The following DNAH6 variants were observed in gnomAD, a reference collection of about 807,000 sequenced individuals.
DNAH6 encodes dynein axonemal heavy chain 6, also known as axonemal beta dynein heavy chain 6.
A neutral mutation model predicts 491.4 loss-of-function variants in DNAH6; 340 were observed. The ratio of observed to expected loss-of-function variants is 0.69; its 90% confidence interval spans 0.63 to 0.76. The LOEUF (loss-of-function observed/expected upper bound fraction) is 0.76, where lower values mean the gene tolerates loss of function less well. Among genes scored for constraint, DNAH6 ranks in the 30% least tolerant of loss-of-function variants. The probability of loss-of-function intolerance (pLI) is 0.00; values close to 1 mark genes in which losing one functional copy is unlikely to be tolerated. For synonymous variants in DNAH6, 1,603 were observed against 1,686.1 expected, an observed-to-expected ratio of 0.95 and a Z score of 1.21; for missense variants, 4,443 against 4,972.2, an observed-to-expected ratio of 0.89 and a Z score of 3.20.
At chr2:84,808,610 A>G (rs1395373474) in intron 72 of DNAH6, 68 bp downstream of exon 72, 2 of 1,471,924 alleles carry the variant, frequency 1.4e-6, no homozygotes, top group Admixed American at 4.0e-5. Context: ...ATAATATGAA[A>G]TTCTTCCATT....
Position 84,701,305 on chromosome 2 carries a change from C to A in DNAH6, c.8027C>A (p.Ser2676Tyr), listed in dbSNP as rs780857456. 2 of 1,550,868 alleles carry A rather than the reference C, an allele frequency of 1.3e-6. No homozygotes were observed. The highest frequency in any genetic ancestry group is 1.2e-5 in the South Asian group (1 of 83,934). ...CTGGAGCTTATCAATCTTTACCTGTCTATGCTGTCTGAAAAAAGGAAGCAG... is the reference window on the plus strand; with the variant it reads ...CTGGAGCTTATCAATCTTTACCTGTATATGCTGTCTGAAAAAAGGAAGCAG... ...SYLELINLYLSMLSEKRKQII... is the reference protein window; with the variant it reads ...SYLELINLYLYMLSEKRKQII... Residue 2676 changes from serine to tyrosine, a missense_variant, in exon 49 of 77, where the codon TCT (serine) becomes TAT (tyrosine). Ser to Tyr is a moderately radical substitution (Grantham distance 144). This residue lies in a region of DNAH6 where 2,977 missense variants were observed against 3,296.6 expected (regional missense o/e 0.90). Transcript: ENST00000389394.
chr2:84,548,085 A>G (rs938505000), intron 7 of DNAH6, among the ~76,000 whole-genome samples: 1 of 152,234 alleles, frequency 6.6e-6, no homozygotes, highest in African/African-American at 2.4e-5. Context: ...GAATGTCAGT[A>G]AACTATCTAT....
chr2:84,768,175 T>C (rs994228973), intron 64 of DNAH6, among the ~76,000 whole-genome samples: 13 of 152,036 alleles, frequency 8.6e-5, no homozygotes, highest in African/African-American at 3.1e-4. Flanking sequence ...CTTAAATATA[T>C]ATGTTATATA....
At chr2:84,542,896 C>T (rs983520774) in intron 4 of DNAH6, among the ~76,000 whole-genome samples, 10 of 152,158 alleles carry the variant, frequency 6.6e-5, no homozygotes, top group African/African-American at 1.7e-4. Context: ...TGGTGGCTCA[C>T]GCTTTTAATC....
chr2:84,495,999 A>T, the DNAH6 span, among the ~76,000 whole-genome samples: 1 of 152,364 alleles, frequency 6.6e-6, no homozygotes, highest in Non-Finnish European at 1.5e-5. Context: ...TAACTCCCGT[A>T]TAAATTATAT....
intron 2 of DNAH6, among the ~76,000 whole-genome samples, 195 bp downstream of exon 2, chr2:84,518,246 G>A (rs1371610108): frequency 6.6e-6 from 1 of 152,218 alleles, no homozygotes; most frequent in Non-Finnish European, 1.5e-5. Context: ...CACTGTTTAA[G>A]TTGAAGGATA....
At chr2:84,723,441 A>G (rs1300922006) in intron 60 of DNAH6, among the ~76,000 whole-genome samples, 7 of 152,312 alleles carry the variant, frequency 4.6e-5, no homozygotes, top group Non-Finnish European at 8.8e-5. Flanking sequence ...GACTTCCTCA[A>G]CTAGCTAGCA....
In DNAH6 at chr2:84,805,814, A is replaced by G; in HGVS notation, c.11611+20A>G. 1 of 1,544,316 alleles carries G rather than the reference A, an allele frequency of 6.5e-7. No homozygotes were observed. Among genetic ancestry groups the G allele is most frequent in the East Asian group, 2.5e-5 (1 of 40,746 alleles). ...TTCCAGGTAATAAATAATTCTAGGAATCTGTATGTAATGGGAATTTTAGGA... is the reference window on the plus strand; with the variant it reads ...TTCCAGGTAATAAATAATTCTAGGAGTCTGTATGTAATGGGAATTTTAGGA... On this transcript the variant is annotated intron_variant, in intron 71 of 76. Transcript: ENST00000389394.
At chr2:84,463,498 C>T in the DNAH6 span, among the ~76,000 whole-genome samples, 1 of 152,212 alleles carries the variant, frequency 6.6e-6, no homozygotes, top group Non-Finnish European at 1.5e-5. Flanking sequence ...TCCCCACCAC[C>T]TGGTTCTCCC....
In DNAH6 at chr2:84,552,939, CA is replaced by C; in HGVS notation, c.1509del (p.Glu504LysfsTer14). 1.9e-6 allele frequency: 3 copies of C among 1,610,520 alleles called. No individual in the cohort carries two copies. The highest frequency in any genetic ancestry group is 2.5e-6 in the Non-Finnish European group (3 of 1,177,978). Reference sequence around the variant, plus strand: ...TCAGGGGACCCTTATGGTGGAAAAGCAAGAAGAAGATGAATCTCTCATCCCC... The same window carrying C: ...TCAGGGGACCCTTATGGTGGAAAAGCAGAAGAAGATGAATCTCTCATCCCC... ...DKKGTLMVEK[Q>X]EEDESLIPMF... On this transcript the variant is annotated frameshift_variant, in exon 10 of 77. Coordinates refer to ENST00000389394, the MANE Select transcript of DNAH6 (RefSeq NM_001370.2). LOFTEE classifies it high-confidence loss of function.
intron 63 of DNAH6, among the ~76,000 whole-genome samples, chr2:84,753,941 C>T (rs1300101188): frequency 6.6e-6 from 1 of 151,048 alleles, no homozygotes; most frequent in Non-Finnish European, 1.5e-5. Context: ...TCTCCTGCCT[C>T]AGCCTCCCAA....
intron 48 of DNAH6, among the ~76,000 whole-genome samples, chr2:84,700,254 T>G (rs973060466): frequency 6.6e-6 from 1 of 152,106 alleles, no homozygotes; most frequent in Non-Finnish European, 1.5e-5. Flanking sequence ...CAAGAAGGGA[T>G]AAGAATGAGT....
At chr2:84,472,667 C>T in the DNAH6 span, among the ~76,000 whole-genome samples, 1 of 152,132 alleles carries the variant, frequency 6.6e-6, no homozygotes, top group Non-Finnish European at 1.5e-5. Flanking sequence ...ATATCTTTTC[C>T]TAAGGCCTGC....
At chr2:84,462,683 C>T in the DNAH6 span, among the ~76,000 whole-genome samples, 1 of 152,166 alleles carries the variant, frequency 6.6e-6, no homozygotes. Flanking sequence ...TATAGAACTG[C>T]AGAAATTCAT....
At chr2:84,600,545 G>T (rs72832519) in intron 18 of DNAH6, among the ~76,000 whole-genome samples, 1 of 152,002 alleles carries the variant, frequency 6.6e-6, no homozygotes, top group Non-Finnish European at 1.5e-5. Flanking sequence ...TGTTTTTTAT[G>T]ACCTTGATCA....
intron 3 of DNAH6, among the ~76,000 whole-genome samples, chr2:84,528,518 A>C (rs1676819322): frequency 6.6e-6 from 1 of 152,158 alleles, no homozygotes; most frequent in Non-Finnish European, 1.5e-5. Context: ...CAAGGTGGTC[A>C]GAACAGAGGG....
intron 63 of DNAH6, among the ~76,000 whole-genome samples, chr2:84,760,175 CTAAAGACT>C (rs1559008546): frequency 6.6e-6 from 1 of 151,990 alleles, no homozygotes; most frequent in African/African-American, 2.4e-5. Flanking sequence ...TAAAGATGAA[CTAAAGACT>C]TAAAAGTAAG....
chr2:84,465,905 A>G, the DNAH6 span, among the ~76,000 whole-genome samples: 1 of 152,390 alleles, frequency 6.6e-6, no homozygotes, highest in East Asian at 1.9e-4. Flanking sequence ...TTGTTTTATT[A>G]TACTTGGCCT....
chr2:84,689,002 C>T (rs1376141862), intron 45 of DNAH6, among the ~76,000 whole-genome samples: 1 of 152,200 alleles, frequency 6.6e-6, no homozygotes, highest in East Asian at 1.9e-4. Context: ...ATGTCTGACT[C>T]TTACCCACTA....
Sources: gnomAD v4.1 joint callset for allele counts (sites outside exome capture counted in the v4.1 genomes callset) on GRCh38, gnomAD v4.1.1 for gene constraint, gnomAD v4.1.1 regional missense constraint, MANE v1.5 for transcripts, NCBI Gene and HGNC (gene_info 2026-07-23, HGNC 2026-07-21) for gene names.